The following N4BP2L2 variants were observed in gnomAD, a reference collection of about 807,000 sequenced individuals.
The protein encoded by N4BP2L2 is NEDD4 binding protein 2 like 2.
N4BP2L2 carries 50 observed loss-of-function variants against 56.2 expected under a neutral mutation model. The ratio of observed to expected loss-of-function variants is 0.89; its 90% CI spans 0.71 to 1.13. The LOEUF (loss-of-function observed/expected upper bound fraction) is 1.13, where lower values mean the gene tolerates loss of function less well. Ranked by LOEUF, N4BP2L2 falls within the 50% of genes most tolerant of loss-of-function variation. N4BP2L2 has a pLI of 0.00. For synonymous variants in N4BP2L2, 203 were observed against 223.6 expected (o/e 0.91, Z 0.82); for missense variants, 689 against 693.8 (o/e 0.99, Z 0.08).
intron 2 of N4BP2L2, among the ~76,000 whole-genome samples, chr13:32,528,317 G>GAA (rs1253618113): frequency 6.6e-6 from 1 of 152,190 alleles, no homozygotes; most frequent in Admixed American, 6.5e-5. Context: ...ATCCTCTAGT[G>GAA]AAAGTCGGAA....
At chr13:32,505,522 C>A (rs1194532335), downstream of N4BP2L2, 1 of 152,206 alleles carries the variant, frequency 6.6e-6, no homozygotes, top group Non-Finnish European at 1.5e-5. Flanking sequence ...TTAAATTTCT[C>A]TCTCTCCTCT....
At chr13:32,492,272 AATTT>A (rs916228856) in intron 6 of N4BP2L2, among the ~76,000 whole-genome samples, 4 of 77,042 alleles carry the variant, frequency 5.2e-5, no homozygotes, top group African/African-American at 2.3e-4. Flanking sequence ...AAAACACCAA[AATTT>A]TTTTTTTTTT....
chr13:32,460,625 T>G (rs768084745), intron 6 of N4BP2L2, among the ~76,000 whole-genome samples: 2 of 152,070 alleles, frequency 1.3e-5, no homozygotes, highest in African/African-American at 2.4e-5. Flanking sequence ...TCATGGATTA[T>G]AAAACTTAAT....
chr13:32,532,398 G>T (rs1335973888), intron 2 of N4BP2L2, among the ~76,000 whole-genome samples: 3 of 151,758 alleles, frequency 2.0e-5, no homozygotes, highest in Admixed American at 6.6e-5. Flanking sequence ...TTTACTCTTA[G>T]TCCTTTATCC....
At chr13:32,501,400 A>G (rs1219641754) in intron 6 of N4BP2L2, among the ~76,000 whole-genome samples, 1 of 151,338 alleles carries the variant, frequency 6.6e-6, no homozygotes, top group South Asian at 2.1e-4. Context: ...GACTTGCCAC[A>G]TTAAGCTTGA....
At chr13:32,464,591 A>C (rs945215095) in intron 6 of N4BP2L2, among the ~76,000 whole-genome samples, 2 of 152,138 alleles carry the variant, frequency 1.3e-5, no homozygotes, top group Non-Finnish European at 2.9e-5. Flanking sequence ...TGCATATATC[A>C]AGGTTTTGGA....
chr13:32,538,695 G>GAAAGA (rs1321406693), exon 1 of N4BP2L2: 1 of 985,370 alleles, frequency 1.0e-6, no homozygotes, highest in Admixed American at 6.2e-5. Flanking sequence ...CTGTGAAGGT[G>GAAAGA]AAAGAAAAGC....
At chr13:32,489,029 C>T (rs1160935610) in intron 6 of N4BP2L2, among the ~76,000 whole-genome samples, 1 of 152,114 alleles carries the variant, frequency 6.6e-6, no homozygotes, top group African/African-American at 2.4e-5. Context: ...GCTGAGATTG[C>T]ACCACTGCAC....
At chr13:32,517,495 AATAG>A in exon 6 of N4BP2L2, 1 of 1,086,282 alleles carries the variant, frequency 9.2e-7, no homozygotes, top group Non-Finnish European at 1.1e-6. Flanking sequence ...GTGTCTATAA[AATAG>A]ATAAATTAGT....
intron 6 of N4BP2L2, among the ~76,000 whole-genome samples, chr13:32,449,130 T>C (rs1269943352): frequency 6.6e-6 from 1 of 152,216 alleles, no homozygotes; most frequent in Non-Finnish European, 1.5e-5. Flanking sequence ...TCACACTAAA[T>C]GCTCCCAGCT....
At chr13:32,450,486 G>A (rs1173661720) in intron 6 of N4BP2L2, among the ~76,000 whole-genome samples, 4 of 151,798 alleles carry the variant, frequency 2.6e-5, no homozygotes, top group Non-Finnish European at 4.4e-5. Context: ...AACCATGCCC[G>A]GTTAATTTTT....
chr13:32,494,655 A>G (rs1483670982), intron 6 of N4BP2L2, among the ~76,000 whole-genome samples: 5 of 151,818 alleles, frequency 3.3e-5, no homozygotes, highest in Non-Finnish European at 7.4e-5. Context: ...AATCCCAGCT[A>G]CTCGGGAAGC....
At chr13:32,501,454 T>C (rs901864605) in intron 6 of N4BP2L2, among the ~76,000 whole-genome samples, 1 of 149,696 alleles carries the variant, frequency 6.7e-6, no homozygotes, top group African/African-American at 2.5e-5. Context: ...TTTAAAGAAA[T>C]AGGTTTGTGT....
At chr13:32,504,333 G>A (rs1008787144) in intron 6 of N4BP2L2, among the ~76,000 whole-genome samples, 3 of 152,170 alleles carry the variant, frequency 2.0e-5, no homozygotes, top group African/African-American at 7.2e-5. Flanking sequence ...AGATGTCCAA[G>A]ATTAAGATGT....
At chr13:32,532,248 G>C (rs1284632383) in intron 2 of N4BP2L2, among the ~76,000 whole-genome samples, 1 of 152,116 alleles carries the variant, frequency 6.6e-6, no homozygotes, top group Non-Finnish European at 1.5e-5. Context: ...TAAAACAGAT[G>C]ATAACAACAA....
chr13:32,537,387 A>G (rs2140370810), intron 1 of N4BP2L2, among the ~76,000 whole-genome samples: 1 of 152,258 alleles, frequency 6.6e-6, no homozygotes, highest in Non-Finnish European at 1.5e-5. Context: ...TAGATACACA[A>G]TTGTGTATTT....
intron 6 of N4BP2L2, among the ~76,000 whole-genome samples, chr13:32,454,328 A>T (rs551721383): frequency 6.6e-6 from 1 of 152,372 alleles, no homozygotes; most frequent in East Asian, 1.9e-4. Context: ...AATGGAACAA[A>T]GACTTCAGTA....
intron 6 of N4BP2L2, among the ~76,000 whole-genome samples, chr13:32,450,630 GTTT>G (rs1278717825): frequency 3.0e-5 from 2 of 67,482 alleles, no homozygotes; most frequent in African/African-American, 2.3e-4. Context: ...GGCTTTTTTT[GTTT>G]TTGTTTTTTT....
chr13:32,485,949 AG>A (rs146949892), intron 6 of N4BP2L2, among the ~76,000 whole-genome samples: 2,374 of 152,274 alleles, frequency 0.016, 39 homozygotes, highest in African/African-American at 0.045. Context: ...GTGGGCCTGT[AG>A]TCTGAGCCAC....
Sources: gnomAD v4.1 joint callset for allele counts (sites outside exome capture counted in the v4.1 genomes callset) on GRCh38, gnomAD v4.1.1 for gene constraint, MANE v1.5 for transcripts, NCBI Gene and HGNC (gene_info 2026-07-23, HGNC 2026-07-21) for gene names.